Variants in AKAP3 observed in about 807,000 individuals in gnomAD.
AKAP3 encodes A-kinase anchoring protein 3.
Under a neutral mutation model 57.2 loss-of-function variants are expected in AKAP3, and 27 were observed. The ratio of observed to expected loss-of-function variants is 0.47; its 90% CI spans 0.35 to 0.65. The LOEUF is 0.65. Ranked by LOEUF, AKAP3 falls within the 30% of genes least tolerant of loss-of-function variation. AKAP3 has a pLI of 0.01. For synonymous variants in AKAP3, 334 were observed against 392.3 expected (o/e 0.85, Z 1.76); for missense variants, 959 against 1,040.0 (o/e 0.92, Z 1.07).
At chr12:4,631,974 T>C (rs374348007) in intron 4 of AKAP3, among the ~76,000 whole-genome samples, 2 of 152,212 alleles carry the variant, frequency 1.3e-5, no homozygotes, top group African/African-American at 4.8e-5. Context: ...AAATGTAAAT[T>C]TGCATTTAAC....
At chr12:4,620,018 G>A (rs1035626339) in intron 5 of AKAP3, among the ~76,000 whole-genome samples, 1 of 152,126 alleles carries the variant, frequency 6.6e-6, no homozygotes, top group Admixed American at 6.5e-5. Flanking sequence ...TGAAAACTGG[G>A]AAATGTAAAC....
intron 4 of AKAP3, chr12:4,635,398 C>T: frequency 1.4e-6 from 1 of 715,536 alleles, no homozygotes; most frequent in Non-Finnish European, 2.4e-6. Flanking sequence ...AGGGCTACTC[C>T]TCTTTTTCTG....
intron 5 of AKAP3, among the ~76,000 whole-genome samples, chr12:4,616,488 T>C (rs1945286744): frequency 6.6e-6 from 1 of 152,194 alleles, no homozygotes; most frequent in East Asian, 1.9e-4. Flanking sequence ...CAACAAACTC[T>C]CTCAAGTAAT....
Position 4,626,635 on chromosome 12 carries a change from G to T in AKAP3, c.2267C>A (p.Thr756Lys), listed in dbSNP as rs115289691. The stretch of plus-strand genomic sequence containing the variant: ...TAGGTTGTGATTGCTGACAATCACC[G>T]TGGGTGCTGCACACCCTTCAGGGGG... ...GQPPEGCAAP[T>K]VIVSNHNLTD... The change falls in exon 5 of 6, where the codon ACG (threonine) becomes AAG (lysine). Residue 756 changes from threonine to lysine, a missense_variant. Coordinates refer to ENST00000228850, the MANE Select transcript of AKAP3 (RefSeq NM_001278309.2). 1.0e-3 allele frequency: 1,663 copies of T among 1,614,176 alleles called. 15 individuals are homozygous for T. In the African/African-American group the frequency reaches 0.02, roughly 19 times the overall value.
rs7133798 is a variant in AKAP3 at position 4,625,199 on chromosome 12, C to T, written c.2406+1297G>A. Among the ~76,000 whole-genome samples, 149,455 of 152,292 alleles carry T rather than the reference C, an allele frequency of 0.98. 73,407 individuals are homozygous for T. The highest frequency in any genetic ancestry group is 1 in the Middle Eastern group (294 of 294). On this transcript the variant is annotated intron_variant, in intron 5 of 5. Transcript: ENST00000228850. The surrounding 1 kb of genome is among the most constrained non-coding windows in gnomAD (Gnocchi z 5.4). Reference sequence around the variant, plus strand: ...ATAGATCTAATATTGGAAGTTCACACTGTCTTCTAGCCTAACTTGAATGTG... The same window carrying T: ...ATAGATCTAATATTGGAAGTTCACATTGTCTTCTAGCCTAACTTGAATGTG...
Position 4,626,482 on chromosome 12 carries a change from C to G in AKAP3, c.2406+14G>C. The G allele has an allele frequency of 3.1e-6, 5 of 1,607,736 alleles. No homozygotes were observed. Among genetic ancestry groups the G allele is most frequent in the Non-Finnish European group, 4.3e-6 (5 of 1,176,386 alleles). ...TTAATAAAGCTTCCAAATTCCTCTG[C>G]CTTTGTTTCTTACCTTCTCCTGGAT... On this transcript the variant is annotated intron_variant, in intron 5 of 5. Coordinates refer to ENST00000228850, the MANE Select transcript of AKAP3 (RefSeq NM_001278309.2).
chr12:4,617,139 T>C (rs1434822326), intron 5 of AKAP3, among the ~76,000 whole-genome samples: 1 of 152,164 alleles, frequency 6.6e-6, no homozygotes, highest in East Asian at 1.9e-4. Context: ...AGCCAATTTC[T>C]CATCAGAAAC....
intron 4 of AKAP3, chr12:4,635,828 G>C: frequency 1.5e-6 from 1 of 679,050 alleles, no homozygotes; most frequent in Non-Finnish European, 2.7e-6. Context: ...AAAATCAGCT[G>C]AATCTGTAAA....
intron 3 of AKAP3, among the ~76,000 whole-genome samples, chr12:4,638,854 G>A (rs1591534445): frequency 1.3e-5 from 2 of 152,174 alleles, no homozygotes; most frequent in South Asian, 4.1e-4. Flanking sequence ...TGATTTCCTT[G>A]TTGATGTGAA....
chr12:4,620,258 G>A (rs1005764638), intron 5 of AKAP3, among the ~76,000 whole-genome samples: 6 of 152,042 alleles, frequency 3.9e-5, no homozygotes, highest in East Asian at 1.9e-4. Flanking sequence ...TTGGGAGGCC[G>A]AGGCAGGTGA....
rs139814738 is a variant in AKAP3, at chr12:4,617,008, A to G, written c.2407-1114T>C. Among the ~76,000 whole-genome samples, 42 of 152,284 alleles carry G rather than the reference A, an allele frequency of 2.8e-4. 1 individual carries two copies. In the East Asian group the frequency reaches 7.9e-3, roughly 29 times the overall value. On this transcript the variant is annotated intron_variant, in intron 5 of 5. Coordinates refer to ENST00000228850, the MANE Select transcript of AKAP3 (RefSeq NM_001278309.2). ...CTAAAATAAAATAAACCCAAACCCA[A>G]ACCCAAAGAAATTAACTCCAAGACC...
Position 4,627,958 on chromosome 12 carries a change from G to T in AKAP3, c.944C>A (p.Thr315Asn). The change falls in exon 5 of 6, where the codon ACC becomes AAC. Residue 315 changes from threonine to asparagine, a missense_variant. Physicochemically the swap from Thr to Asn is moderately conservative, Grantham distance 65. Transcript: ENST00000228850. ...KIQVKDTTIATILLKKVLLKH... is the reference protein window; with the variant it reads ...KIQVKDTTIANILLKKVLLKH... ...GAGCAGAACCTTCTTCAGTAGGATG[G>T]TGGCAATGGTTGTGTCTTTCACTTG... is the stretch of plus-strand genomic sequence containing the variant. 1 of 1,614,050 alleles carries T rather than the reference G, an allele frequency of 6.2e-7. No homozygotes were observed. The highest frequency in any genetic ancestry group is 8.5e-7 in the Non-Finnish European group (1 of 1,180,010).
At chr12:4,647,411 G>A (rs1945712603) in intron 1 of AKAP3, among the ~76,000 whole-genome samples, 1 of 151,720 alleles carries the variant, frequency 6.6e-6, no homozygotes, top group South Asian at 2.1e-4. Context: ...AGTGACTCAT[G>A]CCTGTAATCC....
intron 5 of AKAP3, among the ~76,000 whole-genome samples, chr12:4,623,007 C>G (rs530402041): frequency 6.6e-6 from 1 of 152,250 alleles, no homozygotes; most frequent in African/African-American, 2.4e-5. Flanking sequence ...GTGTGGCCAA[C>G]AAGCATATAA....
intron 4 of AKAP3, among the ~76,000 whole-genome samples, chr12:4,637,869 T>C (rs915688415): frequency 3.3e-5 from 5 of 152,188 alleles, no homozygotes; most frequent in Admixed American, 2.6e-4. Context: ...ATACAGCTTA[T>C]ATGTACATAC....
In AKAP3 at chr12:4,628,840, A is replaced by G. The variant is rs142800348; in HGVS notation, c.97-35T>C. ...AGACAAGGATTCATCTGACTATAACAAAGTAAAGATATGGGATATTCAAGA... is the reference window on the plus strand; with the variant it reads ...AGACAAGGATTCATCTGACTATAACGAAGTAAAGATATGGGATATTCAAGA... On this transcript the variant is annotated intron_variant, in intron 4 of 5. Coordinates refer to ENST00000228850, the MANE Select transcript of AKAP3 (RefSeq NM_001278309.2). 2.7e-5 allele frequency: 42 copies of G among 1,562,356 alleles called. No homozygotes were observed. In the East Asian group the frequency reaches 8.8e-4, roughly 33 times the overall value.
intron 5 of AKAP3, among the ~76,000 whole-genome samples, chr12:4,617,892 C>T (rs1028134666): frequency 6.6e-6 from 1 of 152,068 alleles, no homozygotes; most frequent in Non-Finnish European, 1.5e-5. Flanking sequence ...AGTAATATTT[C>T]TACCTTCCAG....
intron 1 of AKAP3, among the ~76,000 whole-genome samples, chr12:4,646,608 G>T (rs1945701983): frequency 6.6e-6 from 1 of 151,852 alleles, no homozygotes; most frequent in Non-Finnish European, 1.5e-5. Flanking sequence ...GGAGGCGGAA[G>T]TTGCAGTGAG....
Position 4,615,793 on chromosome 12 carries a change from C to G in AKAP3, c.2508G>C (p.Ala836=). The change falls in exon 6 of 6, where the codon GCG becomes GCC. Residue 836 remains alanine, a synonymous_variant. Transcript: ENST00000228850. ...RYEKERQLNE[A]VGNVTPLQLL... is the part of the protein sequence containing the mutation. The stretch of plus-strand genomic sequence containing the variant: ...GCTGCAGCGGTGTGACATTCCCCAC[C>G]GCCTCATTCAGCTGGCGCTCCTTCT... The G allele has an allele frequency of 6.2e-7, 1 of 1,614,218 alleles. No individual in the cohort carries two copies. Among genetic ancestry groups the G allele is most frequent in the Middle Eastern group, 1.6e-4 (1 of 6,062 alleles).
Sources: allele counts gnomAD v4.1 joint callset (sites outside exome capture counted in the v4.1 genomes callset), GRCh38; gene constraint gnomAD v4.1.1; non-coding constraint Gnocchi (gnomAD v3.1); transcripts MANE v1.5; gene names NCBI Gene and HGNC (gene_info 2026-07-23, HGNC 2026-07-21).